The following PDE6C variants were observed in gnomAD, a reference collection of about 807,000 sequenced individuals.
PDE6C encodes the protein cone cGMP-specific 3',5'-cyclic phosphodiesterase subunit alpha'.
Under a neutral mutation model 113.1 loss-of-function variants are expected in PDE6C, and 75 were observed. The ratio of observed to expected loss-of-function variants is 0.66; its 90% CI spans 0.55 to 0.80. The LOEUF is 0.80. Ranked by LOEUF, PDE6C falls within the 30% of genes least tolerant of loss-of-function variation. The pLI is 0.00. For synonymous variants in PDE6C, 375 were observed against 363.7 expected (o/e 1.03, Z -0.35); for missense variants, 912 against 1,038.6 (o/e 0.88, Z 1.67).
chr10:93,664,379 T>A (rs948017267), intron 21 of PDE6C, among the ~76,000 whole-genome samples: 2 of 152,054 alleles, frequency 1.3e-5, no homozygotes, highest in Non-Finnish European at 2.9e-5. Flanking sequence ...AATTGAAAAA[T>A]TTTTAAGCTG....
chr10:93,655,133 T>C (rs1317463184), intron 15 of PDE6C, among the ~76,000 whole-genome samples: 1 of 152,122 alleles, frequency 6.6e-6, no homozygotes, highest in Non-Finnish European at 1.5e-5. Flanking sequence ...TCTAGAATGC[T>C]AAGAAATGAA....
intron 18 of PDE6C, among the ~76,000 whole-genome samples, chr10:93,661,744 C>T (rs942213176): frequency 2.6e-5 from 4 of 152,098 alleles, no homozygotes; most frequent in East Asian, 3.9e-4. Flanking sequence ...GAACAACCGG[C>T]GAAGTGTTAG....
intron 1 of PDE6C, 110 bp from the exon 2 acceptor site, chr10:93,620,522 G>A (rs112376102): frequency 2.7e-6 from 3 of 1,112,526 alleles, no homozygotes. Context: ...CTGGAGCCCT[G>A]GTTATCTGTT....
rs143383334 is a variant in PDE6C, at chr10:93,632,915, A to G, written c.1120-1843A>G. Among the ~76,000 whole-genome samples the G allele has an allele frequency of 1.2e-3, 179 of 152,330 alleles. 1 individual carries two copies. The highest frequency in any genetic ancestry group is 4.2e-3 in the African/African-American group (174 of 41,572). ...CAGTCTAAATGTTAAATTGTGGTTC[A>G]GGCTATAAGTGCAGTTGGAATTCCA... is the stretch of plus-strand genomic sequence containing the variant. On this transcript the variant is annotated intron_variant, in intron 8 of 21. Transcript: ENST00000371447.
At position 93,665,458 on chromosome 10, in the gene PDE6C, T is replaced by G; in HGVS notation, c.*40T>G. ...TCTAAACTTCAAATATCATTTTACCTTTGAAGAAAACCAGAAAACATTCAA... is the reference window on the plus strand; with the variant it reads ...TCTAAACTTCAAATATCATTTTACCGTTGAAGAAAACCAGAAAACATTCAA... On this transcript the variant is annotated 3_prime_UTR_variant, in exon 22 of 22. Transcript: ENST00000371447. 2 of 1,323,646 alleles carry G rather than the reference T, an allele frequency of 1.5e-6. No homozygotes were observed. The highest frequency in any genetic ancestry group is 1.2e-5 in the South Asian group (1 of 85,208). The allele number at this position is 1,323,646 out of a possible 1,614,324, so 82.0% of individuals were successfully genotyped here.
intron 14 of PDE6C, among the ~76,000 whole-genome samples, chr10:93,644,765 G>C (rs554168696): frequency 7.2e-6 from 1 of 138,312 alleles, no homozygotes; most frequent in African/African-American, 2.5e-5. Context: ...TTCAAATAAA[G>C]AAAATGTGGT....
intron 1 of PDE6C, among the ~76,000 whole-genome samples, chr10:93,618,732 A>G (rs1327168653): frequency 2.0e-5 from 3 of 152,220 alleles, no homozygotes; most frequent in Non-Finnish European, 4.4e-5. Context: ...CATCTGCTGC[A>G]TTAATCTGCA....
chr10:93,657,853 C>T (rs1440567410), intron 16 of PDE6C, among the ~76,000 whole-genome samples: 1 of 152,058 alleles, frequency 6.6e-6, no homozygotes, highest in African/African-American at 2.4e-5. Context: ...GAAGTTGTGC[C>T]AGTTAGCACT....
chr10:93,622,717 T>C (rs2134596149), intron 4 of PDE6C, among the ~76,000 whole-genome samples: 1 of 148,678 alleles, frequency 6.7e-6, no homozygotes, highest in South Asian at 2.2e-4. Flanking sequence ...GAATGCCATA[T>C]AGTTGGAATC....
chr10:93,662,345 C>T (rs1038053091), intron 19 of PDE6C, among the ~76,000 whole-genome samples: 5 of 151,504 alleles, frequency 3.3e-5, no homozygotes, highest in African/African-American at 9.7e-5. Context: ...TGCCTGTAGT[C>T]CCAGCCACTC....
At chr10:93,621,032 CG>C (rs1377702407) in intron 3 of PDE6C, 52 bp downstream of exon 3, 16 of 1,481,164 alleles carry the variant, frequency 1.1e-5, no homozygotes, top group Non-Finnish European at 1.4e-5. Context: ...CTGACAAAGC[CG>C]CCCAGAGACA....
At chr10:93,630,880 A>G (rs1040344560) in intron 8 of PDE6C, among the ~76,000 whole-genome samples, 1 of 152,130 alleles carries the variant, frequency 6.6e-6, no homozygotes, top group Non-Finnish European at 1.5e-5. Context: ...TCCTCCTTGC[A>G]ATTGAAGCTT....
At chr10:93,642,013 A>G (rs1340678973) in intron 14 of PDE6C, among the ~76,000 whole-genome samples, 4 of 152,238 alleles carry the variant, frequency 2.6e-5, no homozygotes, top group Admixed American at 2.0e-4. Flanking sequence ...TGTAAAGATT[A>G]AATATGATCA....
In PDE6C at chr10:93,626,710, T is replaced by C. The variant is rs2058474585; in HGVS notation, c.1004+6T>C. On this transcript the variant is annotated splice_donor_region_variant and intron_variant, in intron 6 of 21. Coordinates refer to ENST00000371447, the MANE Select transcript of PDE6C (RefSeq NM_006204.4). ...GAAGAGATCAAAGTGATTCCGTGAG[T>C]ATTGGCAGGAAGTTGCTGCCGCAGT... 6.2e-7 allele frequency: 1 copy of C among 1,605,446 alleles called. No homozygotes were observed. The highest frequency in any genetic ancestry group is 8.5e-7 in the Non-Finnish European group (1 of 1,172,164).
intron 18 of PDE6C, among the ~76,000 whole-genome samples, chr10:93,661,681 T>C (rs566247625): frequency 6.6e-6 from 1 of 152,194 alleles, no homozygotes; most frequent in Non-Finnish European, 1.5e-5. Flanking sequence ...TGGGTGTATG[T>C]CACATGTGCA....
In PDE6C at chr10:93,663,212, T is replaced by C. The variant is rs776891399; in HGVS notation, c.2518+34T>C. On this transcript the variant is annotated intron_variant, in intron 21 of 21. Coordinates refer to ENST00000371447, the MANE Select transcript of PDE6C (RefSeq NM_006204.4). ...GGCTCTGTTTTTGCTCCCTGTAATG[T>C]AGCCAGAAGCTAGGCTGAGCTTAAT... 20 of 1,605,496 alleles carry C rather than the reference T, an allele frequency of 1.2e-5. 1 individual carries two copies. The Admixed American group carries it at 1.5e-4, about 12-fold the overall frequency.
intron 15 of PDE6C, among the ~76,000 whole-genome samples, chr10:93,652,818 G>T (rs1011249541): frequency 2.0e-5 from 3 of 152,134 alleles, no homozygotes; most frequent in African/African-American, 7.2e-5. Context: ...TATTTGATTT[G>T]TTGTAGATTA....
At chr10:93,621,063 A>G (rs895328368) in intron 3 of PDE6C, 83 bp downstream of exon 3, 2 of 1,135,424 alleles carry the variant, frequency 1.8e-6, no homozygotes, top group African/African-American at 3.1e-5. Context: ...GACCCCTCCT[A>G]TTCCTCCTGG....
At position 93,665,673 on chromosome 10, in the gene PDE6C, A is replaced by C. The variant is rs149052146; in HGVS notation, c.*255A>C. 1 of 486,476 alleles carries C rather than the reference A, an allele frequency of 2.1e-6. No individual in the cohort carries two copies. Among genetic ancestry groups the C allele is most frequent in the African/African-American group, 1.9e-5 (1 of 51,314 alleles). 30.1% of individuals were successfully genotyped at this position (486,476 alleles called of 1,614,324 possible). ...AAATTAAAAAATATGCAATCCTGAAACTAGTCACAAATTCTTTTTTAAAAC... is the reference window on the plus strand; with the variant it reads ...AAATTAAAAAATATGCAATCCTGAACCTAGTCACAAATTCTTTTTTAAAAC... On this transcript the variant is annotated 3_prime_UTR_variant, in exon 22 of 22. Coordinates refer to ENST00000371447, the MANE Select transcript of PDE6C (RefSeq NM_006204.4).
Sources: allele counts gnomAD v4.1 joint callset (sites outside exome capture counted in the v4.1 genomes callset), GRCh38; gene constraint gnomAD v4.1.1; transcripts MANE v1.5; gene names NCBI Gene and HGNC (gene_info 2026-07-23, HGNC 2026-07-21).